SDK1: variants seen among roughly 807,000 people sequenced by gnomAD.
SDK1 encodes sidekick cell adhesion molecule 1.
Under a neutral mutation model 245.5 loss-of-function variants are expected in SDK1, and 157 were observed. The observed-to-expected ratio is 0.64, with a 90% CI of 0.56 to 0.73. The LOEUF is 0.73. SDK1 is among the 30% of genes least tolerant of loss of function. SDK1 has a pLI of 0.00. For synonymous variants in SDK1, 1,647 were observed against 1,278.5 expected (o/e 1.29, Z -6.15); for missense variants, 3,583 against 3,002.3 (o/e 1.19, Z -4.52).
intron 19 of SDK1, among the ~76,000 whole-genome samples, chr7:4,063,769 A>G (rs1196316850): frequency 6.6e-6 from 1 of 152,140 alleles, no homozygotes; most frequent in African/African-American, 2.4e-5. Flanking sequence ...GGCGTTAACA[A>G]CAGACACATA....
At chr7:3,541,157 A>G (rs527587792) in intron 1 of SDK1, among the ~76,000 whole-genome samples, 11 of 152,378 alleles carry the variant, frequency 7.2e-5, no homozygotes, top group Non-Finnish European at 1.6e-4. Flanking sequence ...ATTCTTAAGT[A>G]TAACTATATC....
At chr7:3,454,027 A>G (rs1207616380) in intron 1 of SDK1, among the ~76,000 whole-genome samples, 3 of 152,186 alleles carry the variant, frequency 2.0e-5, no homozygotes, top group Non-Finnish European at 4.4e-5. Context: ...TAGATTTTTA[A>G]ACATTGAGAA....
chr7:3,689,162 C>T (rs2114993470), intron 4 of SDK1, among the ~76,000 whole-genome samples: 1 of 152,202 alleles, frequency 6.6e-6, no homozygotes, highest in Admixed American at 6.5e-5. Context: ...TGCTATCTGG[C>T]CCTTTACAGA....
At chr7:4,051,372 G>C (rs1245219894) in intron 18 of SDK1, among the ~76,000 whole-genome samples, 1 of 149,370 alleles carries the variant, frequency 6.7e-6, no homozygotes, top group Non-Finnish European at 1.5e-5. Context: ...AGATTTGAGG[G>C]AGTGTCCATT....
intron 19 of SDK1, among the ~76,000 whole-genome samples, chr7:4,062,906 C>T (rs1779629012): frequency 6.6e-6 from 1 of 152,116 alleles, no homozygotes; most frequent in South Asian, 2.1e-4. Context: ...AATTTAACAT[C>T]CCTTTATAAT....
intron 4 of SDK1, among the ~76,000 whole-genome samples, chr7:3,737,600 G>A (rs554665512): frequency 3.3e-5 from 5 of 152,312 alleles, no homozygotes; most frequent in Admixed American, 2.0e-4. Context: ...CACTGGCTGC[G>A]CCTTCTGGTC....
At position 3,659,641 on chromosome 7, in the gene SDK1, G is replaced by C. The variant is rs184711869; in HGVS notation, c.713+17536G>C. Among the ~76,000 whole-genome samples, 78 of 152,308 alleles carry C rather than the reference G, an allele frequency of 5.1e-4. 1 individual carries two copies. Among genetic ancestry groups the C allele is most frequent in the Non-Finnish European group, 7.4e-5 (5 of 68,024 alleles). On this transcript the variant is annotated intron_variant, in intron 4 of 44. Coordinates refer to ENST00000404826, the MANE Select transcript of SDK1 (RefSeq NM_152744.4). ...GGAAACGAGTGAATTTTCTCCACGT[G>C]TAGTGGGGTGGATTTATACCAGGAG...
chr7:4,002,843 G>T (rs1216303963), intron 14 of SDK1, among the ~76,000 whole-genome samples: 1 of 152,200 alleles, frequency 6.6e-6, no homozygotes, highest in African/African-American at 2.4e-5. Flanking sequence ...AATTGAAAGA[G>T]CCTCTGCTGG....
chr7:4,209,807 C>G (rs1584452310), intron 37 of SDK1, among the ~76,000 whole-genome samples: 1 of 152,180 alleles, frequency 6.6e-6, no homozygotes, highest in African/African-American at 2.4e-5. Context: ...TAAACACTGT[C>G]ATTTTCTCCA....
At chr7:4,203,154 G>T (rs1783990986) in intron 35 of SDK1, among the ~76,000 whole-genome samples, 1 of 152,230 alleles carries the variant, frequency 6.6e-6, no homozygotes, top group Non-Finnish European at 1.5e-5. Context: ...ACCCGGCTCA[G>T]GCCCCAGCGC....
intron 4 of SDK1, among the ~76,000 whole-genome samples, chr7:3,708,248 C>A (rs1784946615): frequency 6.6e-6 from 1 of 152,166 alleles, no homozygotes; most frequent in Non-Finnish European, 1.5e-5. Context: ...AGGGGTGGCA[C>A]TAAACCATTC....
chr7:4,159,175 A>G (rs1015568704), intron 31 of SDK1, among the ~76,000 whole-genome samples: 26 of 152,226 alleles, frequency 1.7e-4, no homozygotes, highest in African/African-American at 6.0e-4. Context: ...GCGTTTCATC[A>G]TCATTCCCGC....
chr7:3,792,783 C>T (rs930533896), intron 4 of SDK1, among the ~76,000 whole-genome samples: 4 of 152,150 alleles, frequency 2.6e-5, no homozygotes, highest in Non-Finnish European at 5.9e-5. Flanking sequence ...TCCACCCATC[C>T]ATCCAACCCA....
At chr7:4,150,225 G>A (rs1310640019) in intron 30 of SDK1, among the ~76,000 whole-genome samples, 1 of 152,146 alleles carries the variant, frequency 6.6e-6, no homozygotes, top group Non-Finnish European at 1.5e-5. Flanking sequence ...GGCCTGTCTG[G>A]TTCGCAGGCC....
chr7:3,556,949 C>T (rs529620780), intron 1 of SDK1, among the ~76,000 whole-genome samples: 94 of 151,658 alleles, frequency 6.2e-4, no homozygotes, highest in African/African-American at 2.2e-3. Context: ...TCTCATGTAC[C>T]CCTTAAATAT....
chr7:3,437,688 T>A (rs6462083), intron 1 of SDK1, among the ~76,000 whole-genome samples: 5,123 of 152,140 alleles, frequency 0.034, 120 homozygotes, highest in Middle Eastern at 0.088. Context: ...GTTTCAGGTT[T>A]CAGTGAGCTG....
chr7:3,798,721 A>G lies in SDK1; in HGVS notation c.714-22729A>G, dbSNP rs184514899. ...TGTTCCCTTTCCACATTCTGTTCTT[A>G]GAAGCAAGTCTCTTAGCCCGGCCCA... is the stretch of plus-strand genomic sequence containing the variant. On this transcript the variant is annotated intron_variant, in intron 4 of 44. Coordinates refer to ENST00000404826, the MANE Select transcript of SDK1 (RefSeq NM_152744.4). 2.8e-4 allele frequency among the ~76,000 whole-genome samples: 42 copies of G among 152,320 alleles called. 1 individual carries two copies. The highest frequency in any genetic ancestry group is 2.7e-3 in the Admixed American group (42 of 15,296).
intron 4 of SDK1, among the ~76,000 whole-genome samples, chr7:3,646,913 A>T (rs1293550778): frequency 5.9e-5 from 9 of 152,210 alleles, no homozygotes; most frequent in Non-Finnish European, 1.2e-4. Flanking sequence ...AAATTCATAG[A>T]GACAGAAAGC....
At chr7:3,979,293 G>A (rs1783211450) in intron 13 of SDK1, among the ~76,000 whole-genome samples, 1 of 152,148 alleles carries the variant, frequency 6.6e-6, no homozygotes, top group African/African-American at 2.4e-5. Flanking sequence ...CTAAGTCCTA[G>A]CTCTTCGTGC....
Sources: gnomAD v4.1 joint callset for allele counts (sites outside exome capture counted in the v4.1 genomes callset) on GRCh38, gnomAD v4.1.1 for gene constraint, MANE v1.5 for transcripts, NCBI Gene and HGNC (gene_info 2026-07-23, HGNC 2026-07-21) for gene names.